Variants in WWOX observed in about 807,000 individuals in gnomAD.
WWOX encodes the protein WW domain containing oxidoreductase.
Under a neutral mutation model 46.2 loss-of-function variants are expected in WWOX, and 69 were observed. The observed-to-expected ratio is 1.49, with a 90% CI of 1.23 to 1.82. The LOEUF (loss-of-function observed/expected upper bound fraction) is 1.82, where lower values mean the gene tolerates loss of function less well. Ranked by LOEUF, WWOX falls within the 40% of genes most tolerant of loss-of-function variation. The probability of loss-of-function intolerance (pLI) is 0.00; values close to 1 mark genes in which losing one functional copy is unlikely to be tolerated. For missense variants in WWOX, 919 were observed against 542.6 expected (o/e 1.69, Z -6.89); for synonymous variants, 359 against 202.6 (o/e 1.77, Z -6.56).
At chr16:78,794,772 T>G (rs770900791) in intron 8 of WWOX, among the ~76,000 whole-genome samples, 4 of 152,222 alleles carry the variant, frequency 2.6e-5, no homozygotes, top group Non-Finnish European at 5.9e-5. Flanking sequence ...ACCCATGTGT[T>G]CAGGCTGTGA....
At chr16:78,114,574 C>T (rs559634512) in intron 3 of WWOX, among the ~76,000 whole-genome samples, 1 of 152,126 alleles carries the variant, frequency 6.6e-6, no homozygotes, top group African/African-American at 2.4e-5. Context: ...TACTTCTCTA[C>T]GTCTTTAGGC....
chr16:79,201,409 G>C (rs769731059), intron 8 of WWOX, among the ~76,000 whole-genome samples: 11 of 146,224 alleles, frequency 7.5e-5, no homozygotes, highest in Non-Finnish European at 1.3e-4. Flanking sequence ...CATTTGCTTT[G>C]CAAGAGAGTT....
chr16:78,800,735 TC>T (rs1190909195), intron 8 of WWOX, among the ~76,000 whole-genome samples: 1 of 152,140 alleles, frequency 6.6e-6, no homozygotes, highest in African/African-American at 2.4e-5. Context: ...TTGTCTAAAA[TC>T]CCAAATGCAT....
intron 8 of WWOX, among the ~76,000 whole-genome samples, chr16:79,080,113 T>A (rs1316046481): frequency 1.3e-5 from 2 of 152,130 alleles, no homozygotes; most frequent in East Asian, 1.9e-4. Context: ...AACCTTTCAA[T>A]CTAACTTAGG....
intron 8 of WWOX, among the ~76,000 whole-genome samples, chr16:79,109,447 G>A (rs2049374584): frequency 6.6e-6 from 1 of 152,170 alleles, no homozygotes; most frequent in African/African-American, 2.4e-5. Flanking sequence ...TTAGGGCATA[G>A]GGAAGAGAGA....
intron 6 of WWOX, among the ~76,000 whole-genome samples, chr16:78,406,380 G>A (rs571573670): frequency 1.6e-3 from 209 of 134,130 alleles, no homozygotes; most frequent in African/African-American, 5.1e-3. Flanking sequence ...TTGAGACGGA[G>A]TCTTGCTCTG....
intron 5 of WWOX, among the ~76,000 whole-genome samples, chr16:78,362,221 T>G (rs1597100896): frequency 1.3e-5 from 2 of 152,092 alleles, no homozygotes; most frequent in East Asian, 3.9e-4. Flanking sequence ...CGTGGGAGCA[T>G]GTTAGTATCA....
intron 8 of WWOX, among the ~76,000 whole-genome samples, chr16:78,792,458 C>T (rs930032670): frequency 6.6e-6 from 1 of 152,166 alleles, no homozygotes; most frequent in Non-Finnish European, 1.5e-5. Context: ...TATGGTCGTA[C>T]TCCAGGGTGA....
At chr16:78,825,317 G>A (rs578169792) in intron 8 of WWOX, 9 of 300,668 alleles carry the variant, frequency 3.0e-5, no homozygotes, top group South Asian at 8.0e-5. Flanking sequence ...GATGTTGGTC[G>A]CTGATGGCAT....
At chr16:78,660,414 AG>A (rs990464268) in intron 8 of WWOX, among the ~76,000 whole-genome samples, 68 of 152,276 alleles carry the variant, frequency 4.5e-4, no homozygotes, top group African/African-American at 1.6e-3. Flanking sequence ...GAGAGGTGGA[AG>A]GGGCCACTTA....
At chr16:79,032,806 G>A (rs1049974528) in intron 8 of WWOX, among the ~76,000 whole-genome samples, 2 of 151,240 alleles carry the variant, frequency 1.3e-5, no homozygotes, top group Non-Finnish European at 2.9e-5. Context: ...CCATGTGCAG[G>A]TTTGTTATAT....
At chr16:78,121,805 G>A (rs1352262761) in intron 4 of WWOX, among the ~76,000 whole-genome samples, 2 of 151,850 alleles carry the variant, frequency 1.3e-5, no homozygotes, top group African/African-American at 4.8e-5. Context: ...GGGATTACAG[G>A]TGCACACCAC....
intron 8 of WWOX, among the ~76,000 whole-genome samples, chr16:79,081,056 C>A (rs949370278): frequency 5.3e-5 from 8 of 152,110 alleles, no homozygotes; most frequent in African/African-American, 1.9e-4. Context: ...TTGAAAACAA[C>A]TATTATATTA....
intron 8 of WWOX, among the ~76,000 whole-genome samples, chr16:78,980,561 G>A (rs188040678): frequency 2.3e-4 from 35 of 152,156 alleles, no homozygotes; most frequent in African/African-American, 7.9e-4. Flanking sequence ...TGTCTTTTAC[G>A]AAGCGTTTTC....
rs75045159 is a variant in WWOX, at chr16:78,345,699, G to A, written c.517-41161G>A. Among the ~76,000 whole-genome samples, 9 of 107,910 alleles carry A rather than the reference G, an allele frequency of 8.3e-5. No homozygotes were observed. The East Asian group carries it at 1.4e-3, about 17-fold the overall frequency. 70.8% of individuals were successfully genotyped at this position (107,910 alleles called of 152,430 possible). ...GCATGGGAAGTCCCTTATACAGTTT[G>A]TGATATGGGTACACACTCAGTGAAA... On this transcript the variant is annotated intron_variant, in intron 5 of 8. Coordinates refer to ENST00000566780, the MANE Select transcript of WWOX (RefSeq NM_016373.4).
chr16:78,534,652 C>G (rs2043713394), intron 8 of WWOX: 1 of 152,174 alleles, frequency 6.6e-6, no homozygotes, highest in Non-Finnish European at 1.5e-5. Context: ...TAATGACTTT[C>G]TTAAAACTAC....
At chr16:78,803,055 A>G (rs1368551338) in intron 8 of WWOX, among the ~76,000 whole-genome samples, 1 of 151,246 alleles carries the variant, frequency 6.6e-6, no homozygotes, top group Non-Finnish European at 1.5e-5. Context: ...GTGCAAGAGT[A>G]TCTAGTAGGT....
At chr16:78,120,975 A>T (rs2033065114) in intron 4 of WWOX, among the ~76,000 whole-genome samples, 2 of 150,316 alleles carry the variant, frequency 1.3e-5, no homozygotes, top group African/African-American at 2.4e-5. Flanking sequence ...AAAGCATGTC[A>T]TTGATGGTTT....
chr16:79,133,471 C>A (rs917461609), intron 8 of WWOX, among the ~76,000 whole-genome samples: 1 of 152,182 alleles, frequency 6.6e-6, no homozygotes, highest in Non-Finnish European at 1.5e-5. Context: ...AGTACGGTCT[C>A]TAACAGTAAA....
Sources: allele counts gnomAD v4.1 joint callset (sites outside exome capture counted in the v4.1 genomes callset), GRCh38; gene constraint gnomAD v4.1.1; transcripts MANE v1.5; gene names NCBI Gene and HGNC (gene_info 2026-07-23, HGNC 2026-07-21).